ARMH1: variants seen among roughly 807,000 people sequenced by gnomAD.
The protein encoded by ARMH1 is armadillo like helical domain containing 1.
ARMH1 carries 34 observed loss-of-function variants against 50.2 expected under a neutral mutation model. That is an observed-to-expected ratio of 0.68 (90% CI 0.51 to 0.90). ARMH1 has a LOEUF of 0.90. ARMH1 is among the 40% of genes least tolerant of loss of function. The probability of loss-of-function intolerance (pLI) is 0.00; values close to 1 mark genes in which losing one functional copy is unlikely to be tolerated. For missense variants in ARMH1, 538 were observed against 553.9 expected (o/e 0.97, Z 0.29); for synonymous variants, 221 against 224.2 (o/e 0.99, Z 0.13).
rs1241742775 is a variant in ARMH1 at position 44,697,135 on chromosome 1, C to T, written c.240C>T (p.Leu80=). ...CTGACTCATGTTTAGAAAAGCTTCT[C>T]AGGTCCATTGGCATCTTCTTATCAG... is the stretch of plus-strand genomic sequence containing the variant. The part of the protein sequence containing the change: ...YMTDSCLEKL[L]RSIGIFLSAV... The change falls in exon 3 of 12, where the codon CTC becomes CTT. Residue 80 remains leucine, a synonymous_variant. Transcript: ENST00000535358. 1 of 1,552,184 alleles carries T rather than the reference C, an allele frequency of 6.4e-7. No individual in the cohort carries two copies. Among genetic ancestry groups the T allele is most frequent in the East Asian group, 2.4e-5 (1 of 40,918 alleles).
At chr1:44,710,801 C>T (rs1217677466) in intron 6 of ARMH1, among the ~76,000 whole-genome samples, 1 of 152,144 alleles carries the variant, frequency 6.6e-6, no homozygotes, top group Non-Finnish European at 1.5e-5. Context: ...AGTTCCAAAA[C>T]ATTTTCATCC....
At chr1:44,689,651 C>G in intron 1 of ARMH1, 25 bp from the exon 2 acceptor site, 1 of 1,505,002 alleles carries the variant, frequency 6.6e-7, no homozygotes, top group Admixed American at 2.0e-5. Flanking sequence ...TTCCGGTAAC[C>G]TGTCTCTTTT....
rs1645330338 is a variant in ARMH1, at chr1:44,682,046, ATG to A, written c.-23+7175_-23+7176del. ...CTGTAAGCACCCGAGGGCAAGGTCT[ATG>A]TTTGTCACGTTAACCAATCCCAAGC... On this transcript the variant is annotated intron_variant, in intron 1 of 11. Coordinates refer to ENST00000535358, the MANE Select transcript of ARMH1 (RefSeq NM_001145636.2). This position sits in a 1 kb window ranked among gnomAD's most constrained non-coding sequence, Gnocchi z 4.5. Among the ~76,000 whole-genome samples, 1 of 152,178 alleles carries A rather than the reference ATG, an allele frequency of 6.6e-6. No homozygotes were observed. Among genetic ancestry groups the A allele is most frequent in the Non-Finnish European group, 1.5e-5 (1 of 68,022 alleles).
chr1:44,714,605 G>A (rs1237166707), intron 6 of ARMH1, among the ~76,000 whole-genome samples: 2 of 151,456 alleles, frequency 1.3e-5, no homozygotes, highest in Non-Finnish European at 2.9e-5. Flanking sequence ...AAAAAAGGTA[G>A]CAGGGTATAC....
intron 6 of ARMH1, among the ~76,000 whole-genome samples, chr1:44,716,279 G>A (rs192255983): frequency 1.9e-4 from 29 of 152,116 alleles, no homozygotes; most frequent in Non-Finnish European, 3.4e-4. Flanking sequence ...AACAATAGTC[G>A]CTAATCTTTA....
In ARMH1 at chr1:44,725,317, A is replaced by G; in HGVS notation, c.1237A>G (p.Ser413Gly). 6.4e-7 allele frequency: 1 copy of G among 1,551,822 alleles called. No individual in the cohort carries two copies. The highest frequency in any genetic ancestry group is 1.2e-5 in the South Asian group (1 of 84,066). The change falls in exon 12 of 12, where the codon AGC becomes GGC. Residue 413 changes from serine (S) to glycine (G), a missense_variant. Physicochemically the swap from Ser to Gly is moderately conservative, Grantham distance 56 (BLOSUM62 0). Coordinates refer to ENST00000535358, the MANE Select transcript of ARMH1 (RefSeq NM_001145636.2). ...KALCLHGSSYSMNTLYGSRDS... is the reference protein window; with the variant it reads ...KALCLHGSSYGMNTLYGSRDS... The stretch of plus-strand genomic sequence containing the variant: ...CCTGTGCCTCCATGGCAGCTCCTAC[A>G]GCATGAACACTCTCTATGGCTCGCG...
At chr1:44,693,459 G>A (rs917345805) in intron 2 of ARMH1, among the ~76,000 whole-genome samples, 16 of 151,930 alleles carry the variant, frequency 1.1e-4, no homozygotes, top group Admixed American at 5.3e-4. Flanking sequence ...TGTTGTTGTT[G>A]TCTGAGACAG....
chr1:44,700,615 CAA>C (rs71587059), intron 4 of ARMH1, among the ~76,000 whole-genome samples: 40 of 62,388 alleles, frequency 6.4e-4, no homozygotes, highest in African/African-American at 1.1e-3. Flanking sequence ...GACTCCATCT[CAA>C]AAAAAAAAAA....
intron 6 of ARMH1, among the ~76,000 whole-genome samples, chr1:44,709,463 G>A (rs188228309): frequency 1.3e-5 from 2 of 152,146 alleles, no homozygotes; most frequent in Non-Finnish European, 2.9e-5. Context: ...ACGAGGTCAG[G>A]AGATCGAGAC....
intron 2 of ARMH1, among the ~76,000 whole-genome samples, chr1:44,692,463 T>C (rs1645689438): frequency 6.6e-6 from 1 of 152,152 alleles, no homozygotes; most frequent in Non-Finnish European, 1.5e-5. Flanking sequence ...TTCCCCCCAC[T>C]GGATTTTAGA....
intron 5 of ARMH1, among the ~76,000 whole-genome samples, chr1:44,703,623 G>A (rs1193703621): frequency 1.3e-5 from 2 of 151,008 alleles, no homozygotes; most frequent in East Asian, 2.0e-4. Flanking sequence ...CAGCTACTCA[G>A]AGGCTGAAGC....
intron 6 of ARMH1, among the ~76,000 whole-genome samples, chr1:44,706,474 G>A (rs146101668): frequency 6.6e-6 from 1 of 152,250 alleles, no homozygotes; most frequent in African/African-American, 2.4e-5. Context: ...CCAGGTTCAG[G>A]AAGCCCGGGG....
At chr1:44,707,406 G>A (rs956209605) in intron 6 of ARMH1, among the ~76,000 whole-genome samples, 1 of 152,154 alleles carries the variant, frequency 6.6e-6, no homozygotes, top group Non-Finnish European at 1.5e-5. Flanking sequence ...CACAATGGGT[G>A]CTCAGTAGAA....
intron 6 of ARMH1, chr1:44,721,769 T>TTAGTAAC (rs926855988): frequency 6.6e-6 from 1 of 152,134 alleles, no homozygotes; most frequent in Non-Finnish European, 1.5e-5. Context: ...ACGTCTCTCT[T>TTAGTAAC]TAGTAACAGA....
intron 6 of ARMH1, among the ~76,000 whole-genome samples, chr1:44,716,357 G>A (rs1256642072): frequency 6.6e-6 from 1 of 152,172 alleles, no homozygotes; most frequent in Non-Finnish European, 1.5e-5. Flanking sequence ...AGCAAGCCAA[G>A]GAGGTGGGCA....
intron 6 of ARMH1, among the ~76,000 whole-genome samples, chr1:44,709,178 T>C (rs2148705113): frequency 6.6e-6 from 1 of 152,302 alleles, no homozygotes; most frequent in Middle Eastern, 3.4e-3. Context: ...GCTTCTGTGA[T>C]AGAAGTTTTC....
At chr1:44,717,657 T>G (rs1646909257) in intron 6 of ARMH1, among the ~76,000 whole-genome samples, 1 of 152,240 alleles carries the variant, frequency 6.6e-6, no homozygotes, top group Non-Finnish European at 1.5e-5. Flanking sequence ...TTCATAGCCC[T>G]AGCCCAGAGG....
At chr1:44,696,965 T>C (rs906815532) in intron 2 of ARMH1, 137 bp from the exon 3 acceptor site, 34 of 641,158 alleles carry the variant, frequency 5.3e-5, no homozygotes, top group African/African-American at 5.3e-4. Flanking sequence ...CTTCCGCTGG[T>C]AGCTCCTCTC....
At chr1:44,697,050 G>A in intron 2 of ARMH1, 52 bp from the exon 3 acceptor site, 1 of 1,392,260 alleles carries the variant, frequency 7.2e-7, no homozygotes, top group Non-Finnish European at 1.0e-6. Flanking sequence ...CACGGGCTCT[G>A]GCTTCTGTGT....
Sources: allele counts gnomAD v4.1 joint callset (sites outside exome capture counted in the v4.1 genomes callset), GRCh38; gene constraint gnomAD v4.1.1; non-coding constraint Gnocchi (gnomAD v3.1); transcripts MANE v1.5; gene names NCBI Gene and HGNC (gene_info 2026-07-23, HGNC 2026-07-21).